Variants in GRB14 observed in about 807,000 individuals in gnomAD.
GRB14 encodes growth factor receptor bound protein 14.
A neutral mutation model predicts 69.1 loss-of-function variants in GRB14; 38 were observed. That is an observed-to-expected ratio of 0.55 (90% CI 0.42 to 0.72). The LOEUF (loss-of-function observed/expected upper bound fraction) is 0.72. Among genes scored for constraint, GRB14 ranks in the 30% least tolerant of loss-of-function variants. The pLI is 0.00. For synonymous variants in GRB14, 247 were observed against 241.3 expected, an observed-to-expected ratio of 1.02 and a Z score of -0.22; for missense variants, 666 against 666.1, an observed-to-expected ratio of 1.00 and a Z score of 0.00.
At chr2:164,539,081 A>T (rs1341149935) in intron 3 of GRB14, among the ~76,000 whole-genome samples, 1 of 152,200 alleles carries the variant, frequency 6.6e-6, no homozygotes, top group East Asian at 1.9e-4. Context: ...ACAGAATCTA[A>T]TGGAATCTAG....
In GRB14 at chr2:164,508,458, A is replaced by T; in HGVS notation, c.1020T>A (p.Leu340=). The change falls in exon 8 of 14, where the codon CTT becomes CTA. Residue 340 remains leucine, a synonymous_variant. Transcript: ENST00000263915. The stretch of plus-strand genomic sequence containing the variant: ...TTCATGCCTCCGGCGAGATTACCTT[A>T]AGCAATCTAATCGCGGTCACCCAGC... ...RTCWVTAIRL[L]KYGMQLYQNY... The T allele has an allele frequency of 1.9e-6, 3 of 1,613,154 alleles. No individual in the cohort carries two copies. Among genetic ancestry groups the T allele is most frequent in the Non-Finnish European group, 2.5e-6 (3 of 1,179,232 alleles).
intron 6 of GRB14, among the ~76,000 whole-genome samples, chr2:164,509,685 T>C (rs1166973271): frequency 6.6e-6 from 1 of 151,740 alleles, no homozygotes. Flanking sequence ...CCTGGGAGCT[T>C]GTTAGCAATG....
intron 3 of GRB14, among the ~76,000 whole-genome samples, chr2:164,542,873 G>A (rs921164520): frequency 6.6e-6 from 1 of 152,156 alleles, no homozygotes; most frequent in Non-Finnish European, 1.5e-5. Context: ...CATCCAACCC[G>A]GCAATCCCAT....
In GRB14 at chr2:164,497,510, T is replaced by G; in HGVS notation, c.1105-20A>C. ...ACTTCTCTGGAAAAAAGAAACACAT[T>G]TGAGTTATGAAAATTTCTTTGAAAG... On this transcript the variant is annotated intron_variant, in intron 9 of 13. Coordinates refer to ENST00000263915, the MANE Select transcript of GRB14 (RefSeq NM_004490.3). 1.4e-6 allele frequency: 2 copies of G among 1,405,684 alleles called. No homozygotes were observed. Among genetic ancestry groups the G allele is most frequent in the Non-Finnish European group, 2.0e-6 (2 of 1,011,520 alleles). The allele number at this position is 1,405,684 out of a possible 1,614,324, so 87.1% of individuals were successfully genotyped here.
At chr2:164,599,535 G>C (rs1043990466) in intron 2 of GRB14, among the ~76,000 whole-genome samples, 3 of 152,140 alleles carry the variant, frequency 2.0e-5, no homozygotes, top group African/African-American at 7.2e-5. Context: ...TTCACAGTTT[G>C]ACAAAAAGAA....
chr2:164,575,890 A>T (rs1015546803), intron 2 of GRB14, among the ~76,000 whole-genome samples: 1 of 152,154 alleles, frequency 6.6e-6, no homozygotes, highest in Non-Finnish European at 1.5e-5. Context: ...AAATAACAGT[A>T]CTAATGCTAA....
At chr2:164,614,146 G>A (rs7594088) in intron 2 of GRB14, among the ~76,000 whole-genome samples, 117,535 of 152,130 alleles carry the variant, frequency 0.77, 46,080 homozygotes, top group African/African-American at 0.82. Flanking sequence ...AGATCTGCAC[G>A]CTTTCAAATT....
chr2:164,555,387 A>G (rs1337962243), intron 2 of GRB14, among the ~76,000 whole-genome samples: 1 of 152,198 alleles, frequency 6.6e-6, no homozygotes, highest in East Asian at 1.9e-4. Flanking sequence ...AGAGAAGAGA[A>G]ATCATCATTC....
chr2:164,530,946 G>A (rs896704766), intron 3 of GRB14, among the ~76,000 whole-genome samples: 95 of 152,096 alleles, frequency 6.2e-4, no homozygotes, highest in African/African-American at 2.2e-3. Context: ...GTAGGCTATT[G>A]GAACTAACCC....
chr2:164,594,748 A>G (rs1689744339), intron 2 of GRB14, among the ~76,000 whole-genome samples: 1 of 152,338 alleles, frequency 6.6e-6, no homozygotes, highest in African/African-American at 2.4e-5. Flanking sequence ...ATTTTTTACC[A>G]TAAGTATCGT....
intron 12 of GRB14, among the ~76,000 whole-genome samples, chr2:164,495,751 G>GCGTT (rs1285057302): frequency 6.6e-6 from 1 of 152,164 alleles, no homozygotes. Context: ...GGACAAAAGG[G>GCGTT]CGTTTCACTG....
Position 164,569,754 on chromosome 2 carries a change from T to C in GRB14, c.325-21938A>G, listed in dbSNP as rs548061247. 2.2e-4 allele frequency among the ~76,000 whole-genome samples: 33 copies of C among 152,264 alleles called. No homozygotes were observed. In the East Asian group the frequency reaches 5.0e-3, roughly 23 times the overall value. The stretch of plus-strand genomic sequence containing the variant: ...AACCAAAAATCCCTCAGAATGGTAG[T>C]TGGGAGTGGCAGTAATGCGCTTAAT... On this transcript the variant is annotated intron_variant, in intron 2 of 13. Coordinates refer to ENST00000263915, the MANE Select transcript of GRB14 (RefSeq NM_004490.3).
rs1689907730 is a variant in GRB14, at chr2:164,601,313, G to A, written c.324+18374C>T. On this transcript the variant is annotated intron_variant, in intron 2 of 13. Transcript: ENST00000263915. Reference sequence around the variant, plus strand: ...CAAAGGATTTTTGATATTTCATAAAGGCAGTATACCGATACCATAAGAAAA... The same window carrying A: ...CAAAGGATTTTTGATATTTCATAAAAGCAGTATACCGATACCATAAGAAAA... Among the ~76,000 whole-genome samples the A allele has an allele frequency of 2.0e-5, 3 of 152,018 alleles. No homozygotes were observed. The South Asian group carries it at 6.2e-4, about 32-fold the overall frequency.
chr2:164,518,099 A>G (rs773198314), intron 6 of GRB14, among the ~76,000 whole-genome samples: 1 of 152,206 alleles, frequency 6.6e-6, no homozygotes, highest in Non-Finnish European at 1.5e-5. Context: ...ACATTCTCCA[A>G]GGTAGACCAT....
At chr2:164,565,261 G>C (rs553109187) in intron 2 of GRB14, among the ~76,000 whole-genome samples, 1 of 134,012 alleles carries the variant, frequency 7.5e-6, no homozygotes, top group South Asian at 2.3e-4. Flanking sequence ...GGTATAAACT[G>C]TCTTTCTATC....
Position 164,493,256 on chromosome 2 carries a change from T to TATC in GRB14, c.1477-77_1477-75dup, listed in dbSNP as rs1686806687. 2.5e-5 allele frequency: 35 copies of TATC among 1,373,948 alleles called. No homozygotes were observed. The South Asian group carries it at 4.4e-4, about 17-fold the overall frequency. 85.1% of individuals were successfully genotyped at this position (1,373,948 alleles called of 1,614,324 possible). A position where few individuals can be genotyped will look rare whatever the true frequency, so the allele number is the denominator to read the frequency against. On this transcript the variant is annotated intron_variant, in intron 13 of 13. Transcript: ENST00000263915. The stretch of plus-strand genomic sequence containing the variant: ...AGGACAATCATATTCGATTGCAAAC[T>TATC]ATCTCCACATGCCAAAACTGCCAAG...
chr2:164,501,615 A>C (rs899135049), intron 9 of GRB14, among the ~76,000 whole-genome samples: 2 of 152,138 alleles, frequency 1.3e-5, no homozygotes, highest in Admixed American at 1.3e-4. Context: ...TAAATATCCA[A>C]GTTACATTTA....
At chr2:164,585,905 G>A (rs1373090084) in intron 2 of GRB14, among the ~76,000 whole-genome samples, 1 of 152,148 alleles carries the variant, frequency 6.6e-6, no homozygotes, top group Non-Finnish European at 1.5e-5. Context: ...AATGCATCCA[G>A]TCACTTAGTC....
intron 6 of GRB14, among the ~76,000 whole-genome samples, chr2:164,513,756 G>A (rs1687402302): frequency 6.6e-6 from 1 of 152,134 alleles, no homozygotes; most frequent in African/African-American, 2.4e-5. Flanking sequence ...AAGAATGTTT[G>A]AAAAACTGCC....
Sources: gnomAD v4.1 joint callset for allele counts (sites outside exome capture counted in the v4.1 genomes callset) on GRCh38, gnomAD v4.1.1 for gene constraint, MANE v1.5 for transcripts, NCBI Gene and HGNC (gene_info 2026-07-23, HGNC 2026-07-21) for gene names.